DOK6: variants seen among roughly 807,000 people sequenced by gnomAD.
The protein encoded by DOK6 is docking protein 6.
DOK6 carries 22 observed loss-of-function variants against 44.0 expected under a neutral mutation model. The observed-to-expected ratio is 0.50, with a 90% CI of 0.36 to 0.71. DOK6 has a LOEUF of 0.71. Ranked by LOEUF, DOK6 falls within the 30% of genes least tolerant of loss-of-function variation. The pLI is 0.00. For synonymous variants in DOK6, 166 were observed against 145.5 expected (o/e 1.14, Z -1.01); for missense variants, 340 against 416.4 (o/e 0.82, Z 1.60).
chr18:69,658,398 T>C (rs1285576479), intron 3 of DOK6, among the ~76,000 whole-genome samples: 7 of 152,236 alleles, frequency 4.6e-5, no homozygotes, highest in Admixed American at 4.6e-4. Flanking sequence ...CATGAGTTAA[T>C]ATATGTAATG....
chr18:69,698,355 A>G, intron 4 of DOK6, 49 bp from the exon 5 acceptor site: 2 of 1,528,442 alleles, frequency 1.3e-6, no homozygotes, highest in Middle Eastern at 1.7e-4. Flanking sequence ...GGCCATAGAC[A>G]CTCACACCTC....
At chr18:69,678,724 G>C (rs1380876909) in intron 4 of DOK6, among the ~76,000 whole-genome samples, 1 of 152,164 alleles carries the variant, frequency 6.6e-6, no homozygotes, top group Admixed American at 6.5e-5. Context: ...TATTCAGCCT[G>C]TCAATATTCA....
chr18:69,433,802 A>T (rs1038673907), intron 1 of DOK6, among the ~76,000 whole-genome samples: 5 of 152,208 alleles, frequency 3.3e-5, no homozygotes, highest in African/African-American at 4.8e-5. Context: ...TATGACATGA[A>T]GTTCAATAGA....
At chr18:69,524,981 T>A (rs1289631892) in intron 1 of DOK6, among the ~76,000 whole-genome samples, 1 of 151,138 alleles carries the variant, frequency 6.6e-6, no homozygotes, top group Non-Finnish European at 1.5e-5. Flanking sequence ...AGATTTTCAG[T>A]AAAAAAACAT....
chr18:69,565,515 GTGTGTGTATATAT>G (rs1982954454), intron 2 of DOK6, among the ~76,000 whole-genome samples: 21 of 9,262 alleles, frequency 2.3e-3, no homozygotes, highest in Non-Finnish European at 1.6e-3. Context: ...GTGTGTGTGT[GTGTGTGTATATAT>G]ATATACATAA....
rs185363617 is a variant in DOK6, at chr18:69,624,608, C to T, written c.289+25110C>T. Among the ~76,000 whole-genome samples the T allele has an allele frequency of 7.9e-5, 12 of 152,192 alleles. No individual in the cohort carries two copies. The East Asian group carries it at 2.3e-3, about 29-fold the overall frequency. ...ACAATTAGCTGAACAAAAGCTAAGC[C>T]AGAGATGTATCATGAGAGTATTACT... On this transcript the variant is annotated intron_variant, in intron 3 of 7. Coordinates refer to ENST00000382713, the MANE Select transcript of DOK6 (RefSeq NM_152721.6).
intron 5 of DOK6, among the ~76,000 whole-genome samples, chr18:69,704,575 T>C (rs919771733): frequency 6.1e-5 from 9 of 147,314 alleles, no homozygotes; most frequent in African/African-American, 2.3e-4. Context: ...GCCTCCTGGG[T>C]TCACTCCATT....
chr18:69,648,404 T>A (rs559875297), intron 3 of DOK6, among the ~76,000 whole-genome samples: 1 of 152,280 alleles, frequency 6.6e-6, no homozygotes, highest in African/African-American at 2.4e-5. Flanking sequence ...ATAACAAATG[T>A]GCACATTGTA....
At chr18:69,516,752 T>G (rs1210624072) in intron 1 of DOK6, among the ~76,000 whole-genome samples, 2 of 152,090 alleles carry the variant, frequency 1.3e-5, no homozygotes, top group African/African-American at 4.8e-5. Flanking sequence ...CTTGGCTCAT[T>G]GCAACCTCTG....
intron 3 of DOK6, among the ~76,000 whole-genome samples, chr18:69,654,268 T>C (rs186584769): frequency 6.6e-6 from 1 of 152,292 alleles, no homozygotes; most frequent in East Asian, 1.9e-4. Context: ...AAAAAGAGAT[T>C]GTGTCAAGGA....
chr18:69,823,377 A>G (rs1008998082), intron 7 of DOK6, among the ~76,000 whole-genome samples: 3 of 152,060 alleles, frequency 2.0e-5, no homozygotes, highest in African/African-American at 7.2e-5. Flanking sequence ...TTCCTAGATA[A>G]ATTCTTAAAG....
In DOK6 at chr18:69,609,486, G is replaced by GAAATAAAT. The variant is rs58206678; in HGVS notation, c.289+10007_289+10014dup. ...AAACCTGCCAGGATGGCTATTACAA[G>GAAATAAAT]AAATAAATAAATAAATAAATAAATA... On this transcript the variant is annotated intron_variant, in intron 3 of 7. Coordinates refer to ENST00000382713, the MANE Select transcript of DOK6 (RefSeq NM_152721.6). 2.6e-3 allele frequency among the ~76,000 whole-genome samples: 380 copies of GAAATAAAT among 148,278 alleles called. 2 individuals carry two copies. Among genetic ancestry groups the GAAATAAAT allele is most frequent in the South Asian group, 0.016 (76 of 4,800 alleles).
chr18:69,487,927 T>G (rs1227535681), intron 1 of DOK6, among the ~76,000 whole-genome samples: 1 of 152,164 alleles, frequency 6.6e-6, no homozygotes, highest in Non-Finnish European at 1.5e-5. Flanking sequence ...CAAACAGCCT[T>G]GATGTTCCAC....
chr18:69,742,047 CAT>C (rs1320296931), intron 6 of DOK6, among the ~76,000 whole-genome samples: 1 of 152,166 alleles, frequency 6.6e-6, no homozygotes, highest in Non-Finnish European at 1.5e-5. Context: ...CATGAATAAA[CAT>C]ATTTGACATA....
intron 1 of DOK6, among the ~76,000 whole-genome samples, chr18:69,476,961 G>C (rs1980282917): frequency 6.6e-6 from 1 of 152,280 alleles, no homozygotes; most frequent in Middle Eastern, 3.4e-3. Context: ...ACAGTAAAAG[G>C]TTGCTTGGAT....
At chr18:69,673,880 T>C (rs1985863346) in intron 3 of DOK6, among the ~76,000 whole-genome samples, 1 of 152,230 alleles carries the variant, frequency 6.6e-6, no homozygotes, top group Non-Finnish European at 1.5e-5. Context: ...TTAATGTCTT[T>C]ATTCTCCCAT....
chr18:69,692,507 T>C (rs1253394847), intron 4 of DOK6, among the ~76,000 whole-genome samples: 1 of 152,254 alleles, frequency 6.6e-6, no homozygotes, highest in African/African-American at 2.4e-5. Flanking sequence ...TATCACGTGA[T>C]ATTTTGAAAC....
At chr18:69,456,647 T>C (rs1425315513) in intron 1 of DOK6, among the ~76,000 whole-genome samples, 2 of 152,186 alleles carry the variant, frequency 1.3e-5, no homozygotes, top group African/African-American at 4.8e-5. Flanking sequence ...ATGATTTATA[T>C]TCTTTTGGGT....
intron 1 of DOK6, among the ~76,000 whole-genome samples, chr18:69,425,355 A>G (rs1212931309): frequency 6.6e-6 from 1 of 152,044 alleles, no homozygotes; most frequent in Non-Finnish European, 1.5e-5. Context: ...CTTGTTTAAA[A>G]GCTTTTTCTA....
Sources: allele counts gnomAD v4.1 joint callset (sites outside exome capture counted in the v4.1 genomes callset), GRCh38; gene constraint gnomAD v4.1.1; transcripts MANE v1.5; gene names NCBI Gene and HGNC (gene_info 2026-07-23, HGNC 2026-07-21).